UBAC2: variants seen among roughly 807,000 people sequenced by gnomAD.
UBAC2 encodes the protein ubiquitin-associated domain-containing protein 2.
In UBAC2, 26 loss-of-function variants were observed where a neutral mutation model predicts 44.0. The observed-to-expected ratio is 0.59, with a 90% confidence interval of 0.43 to 0.82. The LOEUF is 0.82. Among genes scored for constraint, UBAC2 ranks in the 40% least tolerant of loss-of-function variants. The pLI is 0.00. For missense variants in UBAC2, 329 were observed against 419.4 expected (o/e 0.78, Z 1.88); for synonymous variants, 155 against 154.3 (o/e 1.00, Z -0.04).
chr13:99,336,017 T>G (rs767758132), intron 6 of UBAC2, among the ~76,000 whole-genome samples: 8 of 151,452 alleles, frequency 5.3e-5, no homozygotes, highest in Non-Finnish European at 1.2e-4. Flanking sequence ...AAAAAAGAGA[T>G]AAAACTGGAT....
intron 4 of UBAC2, chr13:99,255,067 G>A (rs769423816): frequency 4.3e-6 from 7 of 1,614,084 alleles, no homozygotes; most frequent in Non-Finnish European, 4.2e-6. Flanking sequence ...GGTGGTAAAG[G>A]CTCCCCAGGG....
intron 6 of UBAC2, among the ~76,000 whole-genome samples, chr13:99,324,535 T>C (rs752870654): frequency 2.0e-5 from 3 of 152,214 alleles, no homozygotes; most frequent in Non-Finnish European, 4.4e-5. Flanking sequence ...TACTGAAATT[T>C]GATAATTTGT....
chr13:99,263,322 G>A (rs912903044), intron 4 of UBAC2, among the ~76,000 whole-genome samples: 1 of 152,178 alleles, frequency 6.6e-6, no homozygotes, highest in African/African-American at 2.4e-5. Context: ...TGGTGTCTGG[G>A]ATCTCTGCCA....
chr13:99,338,071 T>TTTTTTTTTTTTTA (rs1555330450), intron 6 of UBAC2, among the ~76,000 whole-genome samples: 10 of 105,076 alleles, frequency 9.5e-5, no homozygotes, highest in Admixed American at 1.1e-4. Flanking sequence ...TTTTTTTTTT[T>TTTTTTTTTTTTTA]TTTTGAGACA....
intron 8 of UBAC2, among the ~76,000 whole-genome samples, chr13:99,373,523 G>C (rs1447949188): frequency 2.0e-5 from 3 of 152,188 alleles, no homozygotes; most frequent in Non-Finnish European, 4.4e-5. Context: ...AAAACACTAA[G>C]ATGGATAAGG....
chr13:99,239,378 A>G (rs1276671651), intron 2 of UBAC2, among the ~76,000 whole-genome samples: 1 of 152,250 alleles, frequency 6.6e-6, no homozygotes, highest in African/African-American at 2.4e-5. Context: ...ATCACCTGAA[A>G]AAACTTCAAA....
chr13:99,330,839 G>A (rs1021250933), intron 6 of UBAC2, among the ~76,000 whole-genome samples: 2 of 152,014 alleles, frequency 1.3e-5, no homozygotes, highest in African/African-American at 2.4e-5. Context: ...TTTCATCAAA[G>A]GTAAGAAATG....
At chr13:99,375,802 T>C (rs1005033275) in intron 8 of UBAC2, among the ~76,000 whole-genome samples, 4 of 45,472 alleles carry the variant, frequency 8.8e-5, no homozygotes, top group Admixed American at 4.0e-4. Flanking sequence ...CCTTTTTCCC[T>C]TTTTTTTTTT....
chr13:99,377,955 A>G (rs9517702), intron 8 of UBAC2, among the ~76,000 whole-genome samples: 38,404 of 152,182 alleles, frequency 0.25, 6,027 homozygotes, highest in Non-Finnish European at 0.35. Flanking sequence ...CAGACCTAAG[A>G]CAGCATGCAG....
chr13:99,200,882 C>A lies in UBAC2; in HGVS notation c.-27C>A. 1 of 1,302,636 alleles carries A rather than the reference C, an allele frequency of 7.7e-7. No homozygotes were observed. The highest frequency in any genetic ancestry group is 9.8e-7 in the Non-Finnish European group (1 of 1,017,518). The allele number at this position is 1,302,636 out of a possible 1,614,324, so 80.7% of individuals were successfully genotyped here. On this transcript the variant is annotated 5_prime_UTR_variant, in exon 1 of 9. Coordinates refer to ENST00000403766, the MANE Select transcript of UBAC2 (RefSeq NM_001144072.2). ...CTTCAGCTTCCCCTCCCCCGGCGCC[C>A]TCTGGGGCTCCGAGCCCGGCGGGAC...
chr13:99,289,457 T>C (rs1354436269), intron 4 of UBAC2, among the ~76,000 whole-genome samples: 2 of 152,120 alleles, frequency 1.3e-5, no homozygotes, highest in Non-Finnish European at 2.9e-5. Flanking sequence ...GAGTCGAAAG[T>C]GTGGGAGAGG....
chr13:99,271,589 T>G (rs1349715887), intron 4 of UBAC2, among the ~76,000 whole-genome samples: 3 of 152,218 alleles, frequency 2.0e-5, no homozygotes, highest in Admixed American at 6.5e-5. Context: ...CTGTGCTTTC[T>G]TTTCATTGTT....
intron 6 of UBAC2, among the ~76,000 whole-genome samples, chr13:99,327,538 G>A (rs550042020): frequency 6.6e-6 from 1 of 152,190 alleles, no homozygotes; most frequent in South Asian, 2.1e-4. Flanking sequence ...GGGACTGACT[G>A]TGTTGATATT....
At chr13:99,242,157 A>G (rs1172681261) in intron 2 of UBAC2, among the ~76,000 whole-genome samples, 2 of 152,182 alleles carry the variant, frequency 1.3e-5, no homozygotes, top group Non-Finnish European at 2.9e-5. Context: ...AGAGACGGCA[A>G]CCATCCGATT....
chr13:99,244,400 TACAC>T lies in UBAC2; in HGVS notation c.280-105_280-102del, dbSNP rs532546567. 2.2e-5 allele frequency: 15 copies of T among 672,378 alleles called. No individual in the cohort carries two copies. In the African/African-American group the frequency reaches 2.5e-4, roughly 11 times the overall value. The allele number at this position is 672,378 out of a possible 1,614,324, so 41.7% of individuals were successfully genotyped here. Reference sequence around the variant, plus strand: ...ATACACACATATGCATGTGTGTATATACACACACACACATACATATGAATACACA... The same window carrying T: ...ATACACACATATGCATGTGTGTATATACACACACATACATATGAATACACA... On this transcript the variant is annotated intron_variant, in intron 3 of 8. Transcript: ENST00000403766.
intron 4 of UBAC2, chr13:99,255,415 G>T: frequency 6.2e-7 from 1 of 1,614,094 alleles, no homozygotes; most frequent in African/African-American, 1.3e-5. Flanking sequence ...CAGAGGGGTG[G>T]TCGTGGTCAG....
chr13:99,375,998 A>G (rs1018681230), intron 8 of UBAC2, among the ~76,000 whole-genome samples: 22 of 145,090 alleles, frequency 1.5e-4, no homozygotes, highest in Non-Finnish European at 3.0e-5. Flanking sequence ...TTTGGTAGAG[A>G]CAAGGGTTGC....
intron 6 of UBAC2, among the ~76,000 whole-genome samples, chr13:99,323,318 T>C (rs1162430408): frequency 6.6e-6 from 1 of 152,094 alleles, no homozygotes; most frequent in Non-Finnish European, 1.5e-5. Context: ...AAATCAAGGC[T>C]AACCAGATAC....
intron 8 of UBAC2, among the ~76,000 whole-genome samples, chr13:99,381,156 A>G (rs2045545542): frequency 6.6e-6 from 1 of 152,260 alleles, no homozygotes; most frequent in Non-Finnish European, 1.5e-5. Flanking sequence ...CAGCCATCCC[A>G]GACCTAAGGG....
Sources: gnomAD v4.1 joint callset for allele counts (sites outside exome capture counted in the v4.1 genomes callset) on GRCh38, gnomAD v4.1.1 for gene constraint, MANE v1.5 for transcripts, NCBI Gene and HGNC (gene_info 2026-07-23, HGNC 2026-07-21) for gene names.